C4orf50: variants seen among roughly 807,000 people sequenced by gnomAD.
C4orf50 encodes chromosome 4 open reading frame 50.
Under a neutral mutation model 77.2 loss-of-function variants are expected in C4orf50, and 80 were observed. That is an observed-to-expected ratio of 1.04 (90% CI 0.87 to 1.25). The LOEUF is 1.25. Among genes scored for constraint, C4orf50 ranks in the 50% most tolerant of loss-of-function variants. C4orf50 has a pLI of 0.00. For missense variants in C4orf50, 1,257 were observed against 1,152.9 expected, an observed-to-expected ratio of 1.09 and a Z score of -1.31; for synonymous variants, 532 against 465.3, an observed-to-expected ratio of 1.14 and a Z score of -1.84.
rs1266722086 is a variant in C4orf50, at chr4:5,932,300, C to T, written c.*2474+24601G>A. On this transcript the variant is annotated intron_variant, in intron 7 of 7. Coordinates refer to the C4orf50 transcript ENST00000324058. The surrounding 1 kb of genome is among the most constrained non-coding windows in gnomAD (Gnocchi z 4.2). ...ATTTATGGAGCACGCACATGAGTAG[C>T]GAGGCTGGGCTCCGTAAAGAATCCA... is the stretch of plus-strand genomic sequence containing the variant. Among the ~76,000 whole-genome samples, 7 of 152,124 alleles carry T rather than the reference C, an allele frequency of 4.6e-5. No homozygotes were observed. Among genetic ancestry groups the T allele is most frequent in the African/African-American group, 7.2e-5 (3 of 41,416 alleles).
intron 32 of C4orf50, among the ~76,000 whole-genome samples, chr4:5,966,098 C>T (rs1719548689): frequency 6.6e-6 from 1 of 152,200 alleles, no homozygotes; most frequent in Middle Eastern, 3.2e-3. Flanking sequence ...CCACCTGTTC[C>T]CCCAAAACTA....
chr4:6,004,400 T>A (rs79365462), intron 25 of C4orf50, among the ~76,000 whole-genome samples: 10,331 of 106,072 alleles, frequency 0.097, 1,118 homozygotes, highest in East Asian at 0.45. Flanking sequence ...GTGGTGATGG[T>A]GATGGAGATG....
intron 31 of C4orf50, among the ~76,000 whole-genome samples, chr4:5,972,271 G>A (rs1719972064): frequency 6.6e-6 from 1 of 152,056 alleles, no homozygotes; most frequent in African/African-American, 2.4e-5. Context: ...CCAAAGTGCT[G>A]GGATTACAGG....
chr4:5,977,790 G>C (rs1720369068), intron 29 of C4orf50, among the ~76,000 whole-genome samples: 1 of 152,186 alleles, frequency 6.6e-6, no homozygotes, highest in South Asian at 2.1e-4. Context: ...CCTTCTGTCT[G>C]CTTCAGTTTA....
chr4:5,985,821 T>G (rs190609866), intron 28 of C4orf50, among the ~76,000 whole-genome samples: 1 of 151,926 alleles, frequency 6.6e-6, no homozygotes, highest in South Asian at 2.1e-4. Flanking sequence ...ACACAAAAAT[T>G]AGCTGGGCGT....
chr4:5,962,562 G>T (rs1719328223), intron 33 of C4orf50, among the ~76,000 whole-genome samples: 1 of 152,212 alleles, frequency 6.6e-6, no homozygotes, highest in African/African-American at 2.4e-5. Flanking sequence ...AAGAGGGACT[G>T]CTCCTCTCCT....
chr4:5,928,941 T>C (rs1208174736), intron 7 of C4orf50, among the ~76,000 whole-genome samples: 1 of 152,180 alleles, frequency 6.6e-6, no homozygotes, highest in East Asian at 1.9e-4. Flanking sequence ...CATTAAAAGA[T>C]TTCCCCAAAG....
chr4:6,005,287 C>T lies in C4orf50; in HGVS notation c.963+2709G>A, dbSNP rs545092532. 2.0e-5 allele frequency among the ~76,000 whole-genome samples: 3 copies of T among 152,300 alleles called. No homozygotes were observed. The East Asian group carries it at 5.8e-4, about 29-fold the overall frequency. ...CACACTTGATGGGCAATTTAGGGAG[C>T]TTTCAAGAGAAGTGTGACTGTGCAG... On this transcript the variant is annotated intron_variant, in intron 25 of 33. Coordinates refer to ENST00000531445, the Ensembl canonical transcript of C4orf50.
At chr4:5,975,572 C>T (rs541639322) in intron 30 of C4orf50, among the ~76,000 whole-genome samples, 9 of 152,166 alleles carry the variant, frequency 5.9e-5, no homozygotes, top group Admixed American at 2.0e-4. Flanking sequence ...AGAGCAGTGA[C>T]GTGATCTCGG....
intron 25 of C4orf50, among the ~76,000 whole-genome samples, chr4:6,004,121 G>A (rs1365735884): frequency 1.4e-5 from 1 of 73,340 alleles, no homozygotes. Flanking sequence ...TGATGATGGT[G>A]ATAGTGATGA....
intron 25 of C4orf50, among the ~76,000 whole-genome samples, chr4:6,004,167 ATGATGGTGATGATGG>A (rs1560598634): frequency 0.041 from 4,012 of 97,740 alleles, 14 homozygotes; most frequent in East Asian, 0.055. Context: ...GATGATAGTG[ATGATGGTGATGATGG>A]TGATGGTGAT....
At chr4:5,913,311 T>C (rs1716890443) in intron 7 of C4orf50, among the ~76,000 whole-genome samples, 1 of 152,144 alleles carries the variant, frequency 6.6e-6, no homozygotes, top group South Asian at 2.1e-4. Flanking sequence ...CCATAGCTCC[T>C]TGATGAGGAG....
At chr4:5,976,085 C>G (rs1720264517) in intron 29 of C4orf50, 130 bp from the exon 8 acceptor site, 1 of 703,384 alleles carries the variant, frequency 1.4e-6, no homozygotes, top group Non-Finnish European at 2.6e-6. Flanking sequence ...GACTCAGTGC[C>G]AGGAACAGGG....
downstream of C4orf50, among the ~76,000 whole-genome samples, chr4:5,955,243 C>T (rs1277069383): frequency 6.6e-6 from 1 of 152,164 alleles, no homozygotes; most frequent in Admixed American, 6.5e-5. The surrounding 1 kb of genome is among the most constrained non-coding windows in gnomAD (Gnocchi z 5.1). Context: ...AACCCACTCA[C>T]ACCTTACCAC....
intron 24 of C4orf50, among the ~76,000 whole-genome samples, chr4:6,010,418 A>C (rs534485575): frequency 2.6e-5 from 4 of 152,344 alleles, no homozygotes; most frequent in African/African-American, 9.6e-5. Context: ...ATTTCAGCTA[A>C]TAGCTATGTC....
At chr4:5,928,379 TACAC>T (rs765175509) in intron 7 of C4orf50, among the ~76,000 whole-genome samples, 65 of 95,956 alleles carry the variant, frequency 6.8e-4, no homozygotes, top group African/African-American at 1.2e-3. Flanking sequence ...CACACACACA[TACAC>T]ACACACACAC....
Position 5,989,686 on chromosome 4 carries a change from C to G in C4orf50, c.2360G>C (p.Gly787Ala), listed in dbSNP as rs1386365032. Reference sequence around the variant, plus strand: ...TCCTTTGCTCACAGCCTGTGGATGACCATGATCAGTGGGTTCGGCCCCTTC... The same window carrying G: ...TCCTTTGCTCACAGCCTGTGGATGAGCATGATCAGTGGGTTCGGCCCCTTC... Residue 787 changes from glycine to alanine, a missense_variant, in exon 28 of 34, where the codon GGT becomes GCT. Physicochemically the swap from Gly to Ala is moderately conservative, Grantham distance 60. Coordinates refer to ENST00000531445, the Ensembl canonical transcript of C4orf50. 2.0e-6 allele frequency: 3 copies of G among 1,536,142 alleles called. No individual in the cohort carries two copies. In the South Asian group the frequency reaches 3.6e-5, roughly 18 times the overall value.
At chr4:5,914,205 G>GTTTTTTGTT (rs1560538582) in intron 7 of C4orf50, among the ~76,000 whole-genome samples, 1 of 78,164 alleles carries the variant, frequency 1.3e-5, no homozygotes, top group African/African-American at 4.1e-5. Context: ...TTTTATGGGT[G>GTTTTTTGTT]TTTTTTTTTT....
chr4:5,925,661 G>A (rs1365615585), intron 7 of C4orf50, among the ~76,000 whole-genome samples: 1 of 152,250 alleles, frequency 6.6e-6, no homozygotes, highest in East Asian at 1.9e-4. Flanking sequence ...ACCCAGCACT[G>A]CCTGAGCACG....
Sources: gnomAD v4.1 joint callset for allele counts (sites outside exome capture counted in the v4.1 genomes callset) on GRCh38, gnomAD v4.1.1 for gene constraint, Gnocchi (gnomAD v3.1) non-coding constraint, MANE v1.5 for transcripts, NCBI Gene and HGNC (gene_info 2026-07-23, HGNC 2026-07-21) for gene names.